Variants in ATM observed in about 807,000 individuals in gnomAD.
ATM encodes serine-protein kinase ATM.
Under a neutral mutation model 387.0 loss-of-function variants are expected in ATM, and 308 were observed. The ratio of observed to expected loss-of-function variants is 0.80; its 90% CI spans 0.73 to 0.87. The LOEUF is 0.87. Among genes scored for constraint, ATM ranks in the 40% least tolerant of loss-of-function variants. The probability of loss-of-function intolerance (pLI) is 0.00; values close to 1 mark genes in which losing one functional copy is unlikely to be tolerated. For missense variants in ATM, 3,312 were observed against 3,560.9 expected, an observed-to-expected ratio of 0.93 and a Z score of 1.78; for synonymous variants, 1,156 against 1,187.3, an observed-to-expected ratio of 0.97 and a Z score of 0.54.
rs587782397 is a variant in ATM, at chr11:108,267,180, A to C, written c.2476A>C (p.Ile826Leu). The change falls in exon 17 of 63, where the codon ATC becomes CTC. Residue 826 changes from isoleucine (I) to leucine (L), a missense_variant. Around this residue, in one of 4 missense-constraint regions of ATM, gnomAD observed 1,791 missense variants for 1,804.5 expected, o/e 0.99. Coordinates refer to ENST00000675843, the MANE Select transcript of ATM (RefSeq NM_000051.4). ...ADICKSLASF[I>L]KKPFDRGEVE... is the part of the protein sequence containing the mutation. ...TTTCTCTTCCTTGAAGGCATCCTTC[A>C]TCAAAAAGCCATTTGACCGTGGAGA... The C allele has an allele frequency of 5.5e-5, 88 of 1,613,970 alleles. No homozygotes were observed. Among genetic ancestry groups the C allele is most frequent in the Non-Finnish European group, 7.3e-5 (86 of 1,179,992 alleles).
chr11:108,336,097 G>A (rs1285007701), intron 56 of ATM, 136 bp downstream of exon 56: 10 of 664,074 alleles, frequency 1.5e-5, no homozygotes, highest in African/African-American at 3.6e-5. Context: ...AGGAGTTCGA[G>A]ACCAGCCTCA....
In ATM at chr11:108,281,045, A is replaced by G. The variant is rs977448999; in HGVS notation, c.3453A>G (p.Lys1151=). 6.2e-7 allele frequency: 1 copy of G among 1,613,586 alleles called. No homozygotes were observed. Among genetic ancestry groups the G allele is most frequent in the Non-Finnish European group, 8.5e-7 (1 of 1,179,806 alleles). Residue 1151 remains lysine (K), a synonymous_variant, in exon 24 of 63, where the codon AAA becomes AAG. Transcript: ENST00000675843. ...CTTTGGATGAAATTTATAATAGAAA[A>G]TCTGTTTTACTGACGTTGATAGCTG... The part of the protein sequence containing the change: ...PETLDEIYNR[K]SVLLTLIAVV...
intron 46 of ATM, 46 bp downstream of exon 46, chr11:108,325,590 T>G: frequency 6.8e-7 from 1 of 1,480,008 alleles, no homozygotes; most frequent in African/African-American, 1.4e-5. Context: ...TGACTTTCCT[T>G]TTATTATTTA....
At chr11:108,320,254 T>C (rs1444708615) in intron 44 of ATM, among the ~76,000 whole-genome samples, 196 bp downstream of exon 44, 3 of 152,244 alleles carry the variant, frequency 2.0e-5, no homozygotes, top group African/African-American at 7.2e-5. Flanking sequence ...AGGTTCATTC[T>C]TTACCCTGAC....
chr11:108,293,894 A>AAAAT (rs1491178678), intron 31 of ATM, among the ~76,000 whole-genome samples: 16 of 83,708 alleles, frequency 1.9e-4, no homozygotes, highest in South Asian at 5.0e-4. Flanking sequence ...AAAAAAAAAA[A>AAAAT]ATATATATAT....
chr11:108,233,964 A>G (rs1391946843), intron 4 of ATM, among the ~76,000 whole-genome samples: 1 of 152,200 alleles, frequency 6.6e-6, no homozygotes, highest in Admixed American at 6.5e-5. Flanking sequence ...TTTTATTATA[A>G]TATTAATTTC....
chr11:108,303,004 T>G lies in ATM; in HGVS notation c.5471T>G (p.Leu1824Arg), dbSNP rs1565479465. The change falls in exon 36 of 63, where the codon CTT becomes CGT. Residue 1824 changes from leucine (L) to arginine (R), a missense_variant. Coordinates refer to ENST00000675843, the MANE Select transcript of ATM (RefSeq NM_000051.4). ...LDSGGTKCEI[L>R]QLLKPMCEVK... is the part of the protein sequence containing the mutation. ...AGTGGAGGCACAAAATGTGAAATTCTTCAATTATTAAAGCCAATGTGTGAA... is the reference window on the plus strand; with the variant it reads ...AGTGGAGGCACAAAATGTGAAATTCGTCAATTATTAAAGCCAATGTGTGAA... The G allele has an allele frequency of 1.2e-6, 2 of 1,613,104 alleles. No individual in the cohort carries two copies. Among genetic ancestry groups the G allele is most frequent in the Non-Finnish European group, 1.7e-6 (2 of 1,179,312 alleles).
chr11:108,255,049 A>G (rs1319851847), intron 13 of ATM, among the ~76,000 whole-genome samples: 1 of 152,216 alleles, frequency 6.6e-6, no homozygotes, highest in Non-Finnish European at 1.5e-5. Flanking sequence ...TATGGTTTGT[A>G]TACAAATATC....
chr11:108,324,661 A>G (rs1297111140), intron 45 of ATM, among the ~76,000 whole-genome samples: 1 of 152,314 alleles, frequency 6.6e-6, no homozygotes, highest in South Asian at 2.1e-4. Context: ...TCACTTTGTC[A>G]TCTTACTCTC....
chr11:108,350,989 C>A (rs958777862), intron 59 of ATM, among the ~76,000 whole-genome samples: 1 of 152,024 alleles, frequency 6.6e-6, no homozygotes, highest in African/African-American at 2.4e-5. Flanking sequence ...TTCATAATAG[C>A]CCCTAACTGG....
Position 108,269,300 on chromosome 11 carries a change from A to G in ATM, c.2838+691A>G, listed in dbSNP as rs559789316. Among the ~76,000 whole-genome samples the G allele has an allele frequency of 1.8e-3, 272 of 152,262 alleles. 2 individuals are homozygous for G. The highest frequency in any genetic ancestry group is 6.3e-3 in the African/African-American group (262 of 41,562). ...TTTTTATTTATCATGACCTTCATATATTTGAATAGTACAGGTCCCTTGCTC... is the reference window on the plus strand; with the variant it reads ...TTTTTATTTATCATGACCTTCATATGTTTGAATAGTACAGGTCCCTTGCTC... On this transcript the variant is annotated intron_variant, in intron 18 of 62. Coordinates refer to ENST00000675843, the MANE Select transcript of ATM (RefSeq NM_000051.4).
Position 108,368,779 on chromosome 11 carries a change from A to C in ATM, c.*3271A>C, listed in dbSNP as rs2091459270. The C allele has an allele frequency of 9.5e-6, 2 of 210,100 alleles. No individual in the cohort carries two copies. Among genetic ancestry groups the C allele is most frequent in the African/African-American group, 4.5e-5 (2 of 44,082 alleles). 13.0% of individuals were successfully genotyped at this position (210,100 alleles called of 1,614,324 possible). A position where few individuals can be genotyped will look rare whatever the true frequency, so the allele number is the denominator to read the frequency against. On this transcript the variant is annotated 3_prime_UTR_variant, in exon 63 of 63. Transcript: ENST00000675843. ...TCATACCTCCCCAAAGTGTTTACCTAATCAGTAGGTTCACAAACTCTTGGT... is the reference window on the plus strand; with the variant it reads ...TCATACCTCCCCAAAGTGTTTACCTCATCAGTAGGTTCACAAACTCTTGGT...
intron 48 of ATM, 51 bp from the exon 49 acceptor site, chr11:108,328,970 A>T: frequency 2.0e-6 from 3 of 1,507,078 alleles, no homozygotes; most frequent in Non-Finnish European, 2.8e-6. Context: ...GATTCTTTAG[A>T]TGTATTTAGT....
intron 1 of ATM, chr11:108,226,576 C>T (rs761093001): frequency 9.2e-5 from 14 of 152,144 alleles, no homozygotes; most frequent in Non-Finnish European, 2.1e-4. Flanking sequence ...TAAATAAGAA[C>T]CTTAATACCA....
chr11:108,244,746 TC>T, intron 6 of ATM, 41 bp from the exon 7 acceptor site: 1 of 1,452,072 alleles, frequency 6.9e-7, no homozygotes, highest in South Asian at 1.1e-5. Context: ...TACAGTTTGT[TC>T]CCCCTGTTAT....
At chr11:108,235,890 A>G (rs1406843877) in intron 5 of ATM, 56 bp downstream of exon 5, 1 of 1,585,990 alleles carries the variant, frequency 6.3e-7, no homozygotes, top group African/African-American at 1.3e-5. Flanking sequence ...AAACTTCACC[A>G]AAGAAAGCAC....
chr11:108,253,375 C>T (rs1176225839), intron 12 of ATM, among the ~76,000 whole-genome samples: 1 of 152,076 alleles, frequency 6.6e-6, no homozygotes, highest in Non-Finnish European at 1.5e-5. Context: ...GACTCACTGG[C>T]ACAAACATTC....
At position 108,326,224 on chromosome 11, in the gene ATM, C is replaced by T. The variant is rs200940211; in HGVS notation, c.6974C>T (p.Ala2325Val). The T allele has an allele frequency of 1.4e-5, 22 of 1,613,444 alleles. No homozygotes were observed. The highest frequency in any genetic ancestry group is 2.2e-5 in the East Asian group (1 of 44,878). ...MIKKLDASCA[A>V]NNPSLKLTYT... ...AAGAAGTTGGATGCCAGCTGTGCAG[C>T]GGTTTGTTTTTTTTATTGGCTGGAT... The change falls in exon 47 of 63, where the codon GCG (alanine) becomes GTG (valine). Residue 2325 changes from alanine (A) to valine (V), a missense_variant and splice_region_variant. Coordinates refer to ENST00000675843, the MANE Select transcript of ATM (RefSeq NM_000051.4).
intron 49 of ATM, 25 bp downstream of exon 49, chr11:108,329,263 A>G (rs1283394314): frequency 8.2e-6 from 13 of 1,577,856 alleles, no homozygotes; most frequent in African/African-American, 1.4e-5. Flanking sequence ...ACAAGTGACA[A>G]TTTTATGTTC....
Sources: gnomAD v4.1 joint callset for allele counts (sites outside exome capture counted in the v4.1 genomes callset) on GRCh38, gnomAD v4.1.1 for gene constraint, gnomAD v4.1.1 regional missense constraint, MANE v1.5 for transcripts, NCBI Gene and HGNC (gene_info 2026-07-23, HGNC 2026-07-21) for gene names.